Variants in CNTN4 observed in about 807,000 individuals in gnomAD.
The protein encoded by CNTN4 is contactin-4.
Under a neutral mutation model 122.5 loss-of-function variants are expected in CNTN4, and 77 were observed. That is an observed-to-expected ratio of 0.63 (90% CI 0.52 to 0.76). The LOEUF (loss-of-function observed/expected upper bound fraction) is 0.76. CNTN4 is among the 30% of genes least tolerant of loss of function. The probability of loss-of-function intolerance (pLI) is 0.00; values close to 1 mark genes in which losing one functional copy is unlikely to be tolerated. For missense variants in CNTN4, 1,256 were observed against 1,259.1 expected (o/e 1.00, Z 0.04); for synonymous variants, 512 against 447.0 (o/e 1.15, Z -1.83).
intron 13 of CNTN4, among the ~76,000 whole-genome samples, chr3:2,987,478 G>A (rs1694684624): frequency 6.6e-6 from 1 of 152,184 alleles, no homozygotes; most frequent in African/African-American, 2.4e-5. Context: ...GTGAGAAGGA[G>A]GGCGTGAAAG....
intron 6 of CNTN4, among the ~76,000 whole-genome samples, chr3:2,789,049 G>T (rs2091926280): frequency 6.6e-6 from 1 of 151,896 alleles, no homozygotes; most frequent in Non-Finnish European, 1.5e-5. Flanking sequence ...TTCCTCTGGG[G>T]CTCTACATAA....
chr3:2,797,811 C>G (rs2092234811), intron 6 of CNTN4, among the ~76,000 whole-genome samples: 1 of 151,926 alleles, frequency 6.6e-6, no homozygotes, highest in Non-Finnish European at 1.5e-5. Context: ...AAGTAAAATT[C>G]TAGGGTGTTA....
chr3:2,664,320 TG>T (rs1171070888), intron 4 of CNTN4, among the ~76,000 whole-genome samples: 1 of 150,634 alleles, frequency 6.6e-6, no homozygotes, highest in Non-Finnish European at 1.5e-5. Context: ...TTTTCTTTTT[TG>T]GTCCAGAATT....
intron 6 of CNTN4, among the ~76,000 whole-genome samples, chr3:2,759,348 G>A (rs2090482475): frequency 6.6e-6 from 1 of 151,958 alleles, no homozygotes; most frequent in Non-Finnish European, 1.5e-5. Context: ...TAGAGACAGG[G>A]TTTCACCATG....
chr3:2,428,692 C>T (rs767365943), intron 3 of CNTN4, among the ~76,000 whole-genome samples: 6 of 152,190 alleles, frequency 3.9e-5, no homozygotes, highest in Non-Finnish European at 5.9e-5. Context: ...CCATTCTCCC[C>T]GTCACTTTCA....
chr3:2,230,163 A>G (rs950343936), intron 2 of CNTN4, among the ~76,000 whole-genome samples: 1 of 152,184 alleles, frequency 6.6e-6, no homozygotes, highest in Non-Finnish European at 1.5e-5. Context: ...TGTCCTACAC[A>G]GCAGCGCATT....
intron 4 of CNTN4, among the ~76,000 whole-genome samples, chr3:2,726,313 T>C (rs576189743): frequency 2.0e-4 from 30 of 152,320 alleles, no homozygotes; most frequent in African/African-American, 7.0e-4. Flanking sequence ...AATGGAATAT[T>C]AATTGGTCAG....
chr3:2,108,565 G>C (rs2032663670), intron 2 of CNTN4, among the ~76,000 whole-genome samples: 1 of 152,128 alleles, frequency 6.6e-6, no homozygotes, highest in African/African-American at 2.4e-5. Context: ...TGAGACAGTG[G>C]ATAACAGCTT....
chr3:2,259,170 T>C (rs1336591488), intron 2 of CNTN4, among the ~76,000 whole-genome samples: 1 of 152,144 alleles, frequency 6.6e-6, no homozygotes, highest in South Asian at 2.1e-4. Flanking sequence ...TACCTGGCTA[T>C]GCACTTGCTT....
chr3:2,583,690 C>T (rs2080049739), intron 4 of CNTN4, among the ~76,000 whole-genome samples: 2 of 152,220 alleles, frequency 1.3e-5, no homozygotes, highest in Non-Finnish European at 2.9e-5. Context: ...AATATTTACG[C>T]ATTCTTTATT....
At chr3:2,354,356 C>T (rs2044776008) in intron 3 of CNTN4, among the ~76,000 whole-genome samples, 1 of 152,072 alleles carries the variant, frequency 6.6e-6, no homozygotes, top group African/African-American at 2.4e-5. Context: ...TGTGGCGAAA[C>T]CCCATCTCTA....
chr3:2,895,756 T>A (rs184246471), intron 10 of CNTN4, among the ~76,000 whole-genome samples: 1 of 152,162 alleles, frequency 6.6e-6, no homozygotes, highest in Non-Finnish European at 1.5e-5. Flanking sequence ...AAGGAGGGGC[T>A]GGGCGCAGTG....
chr3:2,431,004 G>A (rs2048047973), intron 3 of CNTN4, among the ~76,000 whole-genome samples: 1 of 152,094 alleles, frequency 6.6e-6, no homozygotes, highest in South Asian at 2.1e-4. Context: ...ATTGCATCCA[G>A]TATGTGGTAC....
intron 7 of CNTN4, 106 bp from the exon 8 acceptor site, chr3:2,866,646 A>T (rs189432684): frequency 7.9e-7 from 1 of 1,264,032 alleles, no homozygotes; most frequent in Admixed American, 1.7e-5. Flanking sequence ...AAAAAGAGTC[A>T]TTGGACAACA....
chr3:2,496,094 T>C (rs2076445265), intron 3 of CNTN4, among the ~76,000 whole-genome samples: 1 of 152,200 alleles, frequency 6.6e-6, no homozygotes, highest in Admixed American at 6.5e-5. Context: ...AGCATTCTAT[T>C]TTCTGTGTAG....
intron 6 of CNTN4, among the ~76,000 whole-genome samples, chr3:2,747,108 G>A (rs2089811501): frequency 6.6e-6 from 1 of 151,192 alleles, no homozygotes; most frequent in African/African-American, 2.4e-5. Flanking sequence ...AAAAAAAATG[G>A]AGATGGAAAT....
chr3:2,388,672 C>G (rs895391664), intron 3 of CNTN4, among the ~76,000 whole-genome samples: 1 of 152,066 alleles, frequency 6.6e-6, no homozygotes, highest in Non-Finnish European at 1.5e-5. Context: ...TGACAAAACT[C>G]TGTCTCTGCT....
chr3:2,529,876 A>G (rs2077533489), intron 3 of CNTN4, among the ~76,000 whole-genome samples: 1 of 152,114 alleles, frequency 6.6e-6, no homozygotes, highest in Admixed American at 6.5e-5. Flanking sequence ...TGAAATCCTA[A>G]TCCTTTAACA....
At chr3:2,468,050 T>G (rs1469701743) in intron 3 of CNTN4, among the ~76,000 whole-genome samples, 1 of 152,200 alleles carries the variant, frequency 6.6e-6, no homozygotes, top group African/African-American at 2.4e-5. Context: ...GATATTTTAC[T>G]CGACCATGCT....
Sources: allele counts gnomAD v4.1 joint callset (sites outside exome capture counted in the v4.1 genomes callset), GRCh38; gene constraint gnomAD v4.1.1; transcripts MANE v1.5; gene names NCBI Gene and HGNC (gene_info 2026-07-23, HGNC 2026-07-21).